Variants in PTGDR2 observed in about 807,000 individuals in gnomAD.
The protein encoded by PTGDR2 is G-protein coupled receptor 44.
For synonymous variants in PTGDR2, 276 were observed against 278.4 expected, an observed-to-expected ratio of 0.99 and a Z score of 0.09; for missense variants, 544 against 576.6, an observed-to-expected ratio of 0.94 and a Z score of 0.58.
chr11:60,854,747 G>GA (rs1300683064), intron 1 of PTGDR2, among the ~76,000 whole-genome samples: 17 of 152,320 alleles, frequency 1.1e-4, no homozygotes, highest in African/African-American at 3.6e-4. Flanking sequence ...TCTGGCTCTA[G>GA]AAAAATGGTG....
rs1228678152 is a variant in PTGDR2 at position 60,851,794 on chromosome 11, G to A, written c.*741C>T. 1.3e-5 allele frequency: 2 copies of A among 152,246 alleles called. No homozygotes were observed. Among genetic ancestry groups the A allele is most frequent in the East Asian group, 3.9e-4 (2 of 5,194 alleles). The allele number at this position is 152,246 out of a possible 1,614,324, so 9.4% of individuals were successfully genotyped here. On this transcript the variant is annotated 3_prime_UTR_variant, in exon 2 of 2. Transcript: ENST00000332539. ...CAAGGTAGCATCTTAAGTCCCTCGA[G>A]TAGGTCAGAGAATGTCCTCGCTCAC...
Position 60,852,882 on chromosome 11 carries a change from G to A in PTGDR2, c.841C>T (p.Leu281Phe), listed in dbSNP as rs1236541796. ...RAHANPGLRP[L>F]VWRGLPFVTS... Reference sequence around the variant, plus strand: ...ACGAAGGGCAGCCCGCGCCACACGAGCGGCCGCAGCCCCGGGTTTGCGTGC... The same window carrying A: ...ACGAAGGGCAGCCCGCGCCACACGAACGGCCGCAGCCCCGGGTTTGCGTGC... Residue 281 changes from leucine to phenylalanine, a missense_variant, in exon 2 of 2, where the codon CTC becomes TTC. Physicochemically the swap from Leu to Phe is conservative, Grantham distance 22. Transcript: ENST00000332539. 1.8e-4 allele frequency: 271 copies of A among 1,538,528 alleles called. 2 individuals are homozygous for A. In the Admixed American group the frequency reaches 5.2e-3, roughly 30 times the overall value.
rs1855289412 is a variant in PTGDR2, at chr11:60,852,693, T to G, written c.1030A>C (p.Thr344Pro). ...GGAGSSRRRRTSSTARSASPL... is the reference protein window; with the variant it reads ...GGAGSSRRRRPSSTARSASPL... ...GAGGCCGAGCGGGCGGTGGAGGAGGTGCGGCGGCGGCGGCTGCTTCCCGCG... is the reference window on the plus strand; with the variant it reads ...GAGGCCGAGCGGGCGGTGGAGGAGGGGCGGCGGCGGCGGCTGCTTCCCGCG... Residue 344 changes from threonine to proline, a missense_variant, in exon 2 of 2, where the codon ACC becomes CCC. Coordinates refer to ENST00000332539, the MANE Select transcript of PTGDR2 (RefSeq NM_004778.3). The G allele has an allele frequency of 7.0e-6, 10 of 1,430,014 alleles. No individual in the cohort carries two copies. The South Asian group carries it at 1.5e-4, about 21-fold the overall frequency. 88.6% of individuals were successfully genotyped at this position (1,430,014 alleles called of 1,614,324 possible).
Position 60,852,738 on chromosome 11 carries a change from C to G in PTGDR2, c.985G>C (p.Asp329His). Residue 329 changes from aspartate (D) to histidine (H), a missense_variant, in exon 2 of 2, where the codon GAC becomes CAC. Physicochemically the swap from Asp to His is moderately conservative, Grantham distance 81. Transcript: ENST00000332539. ...LRTVLESVLV[D>H]DSELGGAGSS... ...CCCGCGCCACCCAGCTCGCTGTCGT[C>G]CACCAGCACGCTCTCCAGCACCGTG... 1 of 1,488,794 alleles carries G rather than the reference C, an allele frequency of 6.7e-7. No homozygotes were observed. Among genetic ancestry groups the G allele is most frequent in the Non-Finnish European group, 9.0e-7 (1 of 1,112,074 alleles). The allele number at this position is 1,488,794 out of a possible 1,614,324, so 92.2% of individuals were successfully genotyped here.
Position 60,853,353 on chromosome 11 carries a change from C to T in PTGDR2, c.370G>A (p.Ala124Thr), listed in dbSNP as rs1030738989. The T allele has an allele frequency of 1.2e-6, 2 of 1,607,686 alleles. No individual in the cohort carries two copies. Among genetic ancestry groups the T allele is most frequent in the East Asian group, 2.2e-5 (1 of 44,568 alleles). ...TGCAGGCAGCGGTCCAGGCTGATGGCGCTGAGCAGGAAGCCGCTGGCGAAC... is the reference window on the plus strand; with the variant it reads ...TGCAGGCAGCGGTCCAGGCTGATGGTGCTGAGCAGGAAGCCGCTGGCGAAC... ...NMFASGFLLS[A>T]ISLDRCLQVV... The change falls in exon 2 of 2, where the codon GCC (alanine) becomes ACC (threonine). Residue 124 changes from alanine (A) to threonine (T), a missense_variant. Coordinates refer to ENST00000332539, the MANE Select transcript of PTGDR2 (RefSeq NM_004778.3).
chr11:60,852,505 G>A lies in PTGDR2; in HGVS notation c.*30C>T. 8.0e-7 allele frequency: 1 copy of A among 1,247,406 alleles called. No individual in the cohort carries two copies. Among genetic ancestry groups the A allele is most frequent in the Non-Finnish European group, 1.0e-6 (1 of 996,606 alleles). 77.3% of individuals were successfully genotyped at this position (1,247,406 alleles called of 1,614,324 possible). On this transcript the variant is annotated 3_prime_UTR_variant, in exon 2 of 2. Transcript: ENST00000332539. ...CGCGGCACCCTGGTGATACTTTCGC[G>A]TGTGAGTGCCGCCCTACGTGGGCCG...
chr11:60,853,649 TTGC>T lies in PTGDR2; in HGVS notation c.71_73del (p.Ser24del). 1 of 1,558,670 alleles carries T rather than the reference TTGC, an allele frequency of 6.4e-7. No individual in the cohort carries two copies. The highest frequency in any genetic ancestry group is 1.2e-5 in the South Asian group (1 of 84,612). ...GTGGTCGATGTAGCGGATGCTGGTG[TTGC>T]TGTGGCTCTGGAGACGGCTCATCTG... is the stretch of plus-strand genomic sequence containing the variant. On this transcript the variant is annotated inframe_deletion, in exon 2 of 2. Transcript: ENST00000332539.
rs1017599685 is a variant in PTGDR2 at position 60,852,662 on chromosome 11, A to G, written c.1061T>C (p.Leu354Ser). Residue 354 changes from leucine to serine, a missense_variant, in exon 2 of 2, where the codon TTA (leucine) becomes TCA (serine). Transcript: ENST00000332539. ...TTCCTCCGGGCGGCTGCAGAGAGCT[A>G]AAGGGGAGGCCGAGCGGGCGGTGGA... Reference protein sequence around the residue: ...TSSTARSASPLALCSRPEEPR... With the variant: ...TSSTARSASPSALCSRPEEPR... The G allele has an allele frequency of 7.2e-7, 1 of 1,386,142 alleles. No individual in the cohort carries two copies. Among genetic ancestry groups the G allele is most frequent in the Non-Finnish European group, 9.4e-7 (1 of 1,063,574 alleles). 85.9% of individuals were successfully genotyped at this position (1,386,142 alleles called of 1,614,324 possible).
chr11:60,852,804 T>C lies in PTGDR2; in HGVS notation c.919A>G (p.Thr307Ala), dbSNP rs1655157727. The C allele has an allele frequency of 1.3e-6, 2 of 1,557,714 alleles. No individual in the cohort carries two copies. The highest frequency in any genetic ancestry group is 2.4e-5 in the East Asian group (1 of 41,476). Residue 307 changes from threonine to alanine, a missense_variant, in exon 2 of 2, where the codon ACC becomes GCC. Physicochemically the swap from Thr to Ala is moderately conservative, Grantham distance 58. Coordinates refer to ENST00000332539, the MANE Select transcript of PTGDR2 (RefSeq NM_004778.3). ...SVANPVLYVL[T>A]CPDMLRKLRR... ...AGCTTGCGCAGCATGTCGGGGCAGG[T>C]GAGCACGTAGAGCACCGGGTTGGCC... is the stretch of plus-strand genomic sequence containing the variant.
rs771871405 is a variant in PTGDR2 at position 60,853,016 on chromosome 11, C to T, written c.707G>A (p.Arg236His). 40 of 1,490,916 alleles carry T rather than the reference C, an allele frequency of 2.7e-5. No individual in the cohort carries two copies. The East Asian group carries it at 5.2e-4, about 19-fold the overall frequency. 92.4% of individuals were successfully genotyped at this position (1,490,916 alleles called of 1,614,324 possible). Residue 236 changes from arginine to histidine, a missense_variant, in exon 2 of 2, where the codon CGC (arginine) becomes CAC (histidine). Transcript: ENST00000332539. ...HAAVSLRLQHRGRRRPGRFVR... is the reference protein window; with the variant it reads ...HAAVSLRLQHHGRRRPGRFVR... ...GAAGCGGCCTGGCCGCCGGCGGCCGCGGTGCTGCAACCGCAGGCTCACGGC... is the reference window on the plus strand; with the variant it reads ...GAAGCGGCCTGGCCGCCGGCGGCCGTGGTGCTGCAACCGCAGGCTCACGGC...
At position 60,853,725 on chromosome 11, in the gene PTGDR2, TG is replaced by T; in HGVS notation, c.-4del. 1 of 1,533,934 alleles carries T rather than the reference TG, an allele frequency of 6.5e-7. No individual in the cohort carries two copies. ...TTCAGTGTGGCGTTGGCCGACATCG[TG>T]GGGCTCTGCAGTGGAGGGAAGGAGG... On this transcript the variant is annotated 5_prime_UTR_variant, in exon 2 of 2. Transcript: ENST00000332539.
Position 60,852,553 on chromosome 11 carries a change from C to T in PTGDR2, c.1170G>A (p.Leu390=), listed in dbSNP as rs544441964. ...SPQTGPLNRA[L]SSTSS is the part of the protein sequence containing the mutation. ...CCGGGTTCTAACTCGAGGTGCTGCT[C>T]AGCGCCCGGTTCAGGGGGCCCGTCT... The change falls in exon 2 of 2, where the codon CTG becomes CTA. Residue 390 remains leucine (L), a synonymous_variant. Transcript: ENST00000332539. 1.6e-6 allele frequency: 2 copies of T among 1,274,972 alleles called. No homozygotes were observed. Among genetic ancestry groups the T allele is most frequent in the Non-Finnish European group, 2.0e-6 (2 of 1,011,836 alleles). 79.0% of individuals were successfully genotyped at this position (1,274,972 alleles called of 1,614,324 possible). A position where few individuals can be genotyped will look rare whatever the true frequency, so the allele number is the denominator to read the frequency against.
Position 60,853,119 on chromosome 11 carries a change from G to C in PTGDR2, c.604C>G (p.Arg202Gly). ...GPDRDATCNS[R>G]QVALAVSKFL... Reference sequence around the variant, plus strand: ...TTGCTGACGGCCAGGGCCACCTGCCGCGAGTTGCACGTGGCATCGCGGTCA... The same window carrying C: ...TTGCTGACGGCCAGGGCCACCTGCCCCGAGTTGCACGTGGCATCGCGGTCA... Residue 202 changes from arginine to glycine, a missense_variant, in exon 2 of 2, where the codon CGG (arginine) becomes GGG (glycine). Arg to Gly is a moderately radical substitution (Grantham distance 125, BLOSUM62 -2). Transcript: ENST00000332539. The C allele has an allele frequency of 6.2e-7, 1 of 1,605,626 alleles. No individual in the cohort carries two copies. The highest frequency in any genetic ancestry group is 1.7e-4 in the Middle Eastern group (1 of 6,054).
rs1267311587 is a variant in PTGDR2, at chr11:60,853,085, A to C, written c.638T>G (p.Leu213Arg). The C allele has an allele frequency of 6.3e-7, 1 of 1,598,184 alleles. No individual in the cohort carries two copies. Among genetic ancestry groups the C allele is most frequent in the East Asian group, 2.2e-5 (1 of 44,508 alleles). The change falls in exon 2 of 2, where the codon CTG becomes CGG. Residue 213 changes from leucine (L) to arginine (R), a missense_variant. Transcript: ENST00000332539. ...GATCGCCAGCGGCACCAGGAAGGCC[A>C]GCAGGAACTTGCTGACGGCCAGGGC... ...QVALAVSKFLLAFLVPLAIIA... is the reference protein window; with the variant it reads ...QVALAVSKFLRAFLVPLAIIA...
chr11:60,855,302 G>C (rs1379164090), intron 1 of PTGDR2, among the ~76,000 whole-genome samples: 2 of 152,118 alleles, frequency 1.3e-5, no homozygotes, highest in Admixed American at 1.3e-4. Flanking sequence ...ACCACCCGCT[G>C]TCTGCCCTGA....
Position 60,852,490 on chromosome 11 carries a change from T to C in PTGDR2, c.*45A>G. The C allele has an allele frequency of 8.1e-7, 1 of 1,240,906 alleles. No individual in the cohort carries two copies. Among genetic ancestry groups the C allele is most frequent in the South Asian group, 3.7e-5 (1 of 27,128 alleles). 76.9% of individuals were successfully genotyped at this position (1,240,906 alleles called of 1,614,324 possible). On this transcript the variant is annotated 3_prime_UTR_variant, in exon 2 of 2. Coordinates refer to ENST00000332539, the MANE Select transcript of PTGDR2 (RefSeq NM_004778.3). ...GATATCGAATTGAACCGCGGCACCC[T>C]GGTGATACTTTCGCGTGTGAGTGCC...
chr11:60,853,859 G>A lies in PTGDR2; in HGVS notation c.-9-128C>T, dbSNP rs532822564. On this transcript the variant is annotated intron_variant, in intron 1 of 1. Coordinates refer to ENST00000332539, the MANE Select transcript of PTGDR2 (RefSeq NM_004778.3). The stretch of plus-strand genomic sequence containing the variant: ...ACCCACGAATATATTGGGCGGTGGG[G>A]GTGGGGGGAATAATATCCCAGCATT... 1.7e-5 allele frequency: 12 copies of A among 717,382 alleles called. No homozygotes were observed. In the Admixed American group the frequency reaches 3.3e-4, roughly 19 times the overall value. 44.4% of individuals were successfully genotyped at this position (717,382 alleles called of 1,614,324 possible). A position where few individuals can be genotyped will look rare whatever the true frequency, so the allele number is the denominator to read the frequency against.
In PTGDR2 at chr11:60,852,274, T is replaced by C. The variant is rs1855279687; in HGVS notation, c.*261A>G. ...GAGCTTGTTAAGTGCAGACTCTCAG[T>C]ACCCGGCCCCGGCCTCCTGGATCAG... On this transcript the variant is annotated 3_prime_UTR_variant, in exon 2 of 2. Coordinates refer to ENST00000332539, the MANE Select transcript of PTGDR2 (RefSeq NM_004778.3). The C allele has an allele frequency of 2.6e-6, 1 of 379,848 alleles. No homozygotes were observed. Among genetic ancestry groups the C allele is most frequent in the South Asian group, 1.5e-4 (1 of 6,882 alleles). 23.5% of individuals were successfully genotyped at this position (379,848 alleles called of 1,614,324 possible).
At position 60,851,122 on chromosome 11, in the gene PTGDR2, A is replaced by C. The variant is rs1367796658; in HGVS notation, c.*1413T>G. 1 of 152,358 alleles carries C rather than the reference A, an allele frequency of 6.6e-6. No individual in the cohort carries two copies. The highest frequency in any genetic ancestry group is 1.5e-5 in the Non-Finnish European group (1 of 68,070). 9.4% of individuals were successfully genotyped at this position (152,358 alleles called of 1,614,324 possible). ...GGGAAGTGCTATGAGTAAAGGGGGA[A>C]GGGATGGGAGGGAGCAGGGGCGAGG... On this transcript the variant is annotated 3_prime_UTR_variant, in exon 2 of 2. Coordinates refer to ENST00000332539, the MANE Select transcript of PTGDR2 (RefSeq NM_004778.3).
Sources: allele counts gnomAD v4.1 joint callset (sites outside exome capture counted in the v4.1 genomes callset), GRCh38; gene constraint gnomAD v4.1.1; transcripts MANE v1.5; gene names NCBI Gene and HGNC (gene_info 2026-07-23, HGNC 2026-07-21).